HELZ: variants seen among roughly 807,000 people sequenced by gnomAD.
The protein encoded by HELZ is ATP-dependent RNA helicase with zinc finger domain.
Under a neutral mutation model 218.2 loss-of-function variants are expected in HELZ, and 23 were observed. The observed-to-expected ratio is 0.11, with a 90% CI of 0.08 to 0.15. HELZ has a LOEUF of 0.15. Among genes scored for constraint, HELZ ranks in the 10% least tolerant of loss-of-function variants. The probability of loss-of-function intolerance (pLI) is 1.00; values close to 1 mark genes in which losing one functional copy is unlikely to be tolerated. For missense variants in HELZ, 1,813 were observed against 2,353.7 expected, an observed-to-expected ratio of 0.77 and a Z score of 4.75; for synonymous variants, 814 against 829.4, an observed-to-expected ratio of 0.98 and a Z score of 0.32.
chr17:67,147,927 G>A (rs570775378), intron 20 of HELZ, among the ~76,000 whole-genome samples: 14 of 152,334 alleles, frequency 9.2e-5, no homozygotes, highest in Non-Finnish European at 1.6e-4. Flanking sequence ...CCAGCTCTGC[G>A]CGCTTTCTCC....
At chr17:67,158,161 T>C (rs1207248067) in intron 17 of HELZ, among the ~76,000 whole-genome samples, 2 of 152,220 alleles carry the variant, frequency 1.3e-5, no homozygotes, top group Non-Finnish European at 1.5e-5. Context: ...CACTATGTAA[T>C]GTTTTGACTA....
At chr17:67,155,740 G>A (rs908295886) in intron 17 of HELZ, among the ~76,000 whole-genome samples, 9 of 151,896 alleles carry the variant, frequency 5.9e-5, no homozygotes, top group Non-Finnish European at 1.0e-4. Flanking sequence ...GGGAGGCTGA[G>A]GCAGGAGAAT....
At chr17:67,132,974 T>C (rs2038032367) in intron 23 of HELZ, among the ~76,000 whole-genome samples, 1 of 152,204 alleles carries the variant, frequency 6.6e-6, no homozygotes, top group Non-Finnish European at 1.5e-5. Context: ...AAGAATCATA[T>C]TATATTCTCT....
At chr17:67,218,954 G>A in intron 3 of HELZ, 132 bp from the exon 4 acceptor site, 2 of 626,816 alleles carry the variant, frequency 3.2e-6, no homozygotes, top group Non-Finnish European at 5.6e-6. Flanking sequence ...CAAGGTCACA[G>A]CTAAGCAGCA....
chr17:67,176,127 G>A (rs2039449613), intron 13 of HELZ, among the ~76,000 whole-genome samples: 1 of 152,092 alleles, frequency 6.6e-6, no homozygotes, highest in African/African-American at 2.4e-5. Context: ...CATTTCAAAA[G>A]TAGAGAAAAC....
chr17:67,122,618 G>GA (rs1272131571), intron 26 of HELZ, among the ~76,000 whole-genome samples: 1 of 151,828 alleles, frequency 6.6e-6, no homozygotes, highest in Non-Finnish European at 1.5e-5. Context: ...TGAGGCAGGA[G>GA]AATCGCTTGA....
chr17:67,105,719 C>T (rs1159390493), intron 31 of HELZ, among the ~76,000 whole-genome samples: 1 of 152,128 alleles, frequency 6.6e-6, no homozygotes, highest in African/African-American at 2.4e-5. Flanking sequence ...CAGATGTGTG[C>T]CAAATTTTTG....
rs2036004514 is a variant in HELZ, at chr17:67,075,882, C to T, written c.*2370G>A. On this transcript the variant is annotated 3_prime_UTR_variant, in exon 33 of 33. Coordinates refer to ENST00000358691, the MANE Select transcript of HELZ (RefSeq NM_014877.4). ...TATTTTTAGTTTTTAGAAATAACTG[C>T]TTAGAACAAGGATGTCATGACAACT... 1 of 152,554 alleles carries T rather than the reference C, an allele frequency of 6.6e-6. No individual in the cohort carries two copies. The highest frequency in any genetic ancestry group is 2.1e-4 in the South Asian group (1 of 4,814). 9.5% of individuals were successfully genotyped at this position (152,554 alleles called of 1,614,324 possible). A position where few individuals can be genotyped will look rare whatever the true frequency, so the allele number is the denominator to read the frequency against.
chr17:67,109,824 T>C lies in HELZ; in HGVS notation c.3919-138A>G, dbSNP rs968781527. ...CAGGAGAGCTGAGTGCTCAATTATT[T>C]ACTTTCTCACAATCAAATAAAGGAA... On this transcript the variant is annotated intron_variant, in intron 28 of 32. Coordinates refer to ENST00000358691, the MANE Select transcript of HELZ (RefSeq NM_014877.4). 5.2e-5 allele frequency: 30 copies of C among 576,676 alleles called. No individual in the cohort carries two copies. The African/African-American group carries it at 5.5e-4, about 11-fold the overall frequency. 35.7% of individuals were successfully genotyped at this position (576,676 alleles called of 1,614,324 possible).
intron 5 of HELZ, among the ~76,000 whole-genome samples, chr17:67,208,908 T>C (rs918274740): frequency 3.4e-5 from 5 of 149,030 alleles, no homozygotes; most frequent in African/African-American, 9.9e-5. Context: ...ACCATGGCAC[T>C]CCAGCCTGGA....
intron 25 of HELZ, 136 bp downstream of exon 25, chr17:67,123,827 G>GTGTA: frequency 2.8e-6 from 2 of 703,158 alleles, no homozygotes; most frequent in Non-Finnish European, 5.2e-6. Context: ...GTGTGTGTGT[G>GTGTA]TGTGTGTGTG....
chr17:67,245,015 GGCCCCCAGCCTGCCCCGGGGCCGCC>G, intron 1 of HELZ, 108 bp downstream of exon 1: 2 of 985,452 alleles, frequency 2.0e-6, no homozygotes, highest in Non-Finnish European at 2.4e-6. Context: ...GGGCCGCCCA[GGCCCCCAGCCTGCCCCGGGGCCGCC>G]GCGCCCGGGG....
intron 31 of HELZ, among the ~76,000 whole-genome samples, chr17:67,094,333 A>AAGAG (rs1555597034): frequency 8.2e-5 from 12 of 146,564 alleles, no homozygotes; most frequent in South Asian, 6.4e-4. Flanking sequence ...AAAAAAAAAA[A>AAGAG]AGAGAGAGAG....
rs374183389 is a variant in HELZ at position 67,218,795 on chromosome 17, T to C, written c.10A>G (p.Arg4Gly). The C allele has an allele frequency of 2.7e-5, 43 of 1,614,080 alleles. No homozygotes were observed. Among genetic ancestry groups the C allele is most frequent in the Non-Finnish European group, 3.1e-5 (37 of 1,180,026 alleles). MED[R>G]RAEKSCEQAC... ...TGTTCACATGACTTTTCAGCTCTTC[T>C]GTCTTCCATGACTCAGGGACAAAAA... The change falls in exon 4 of 33, where the codon AGA becomes GGA. Residue 4 changes from arginine (R) to glycine (G), a missense_variant. Physicochemically the swap from Arg to Gly is moderately radical, Grantham distance 125 (BLOSUM62 -2). Transcript: ENST00000358691.
chr17:67,203,343 G>T lies in HELZ; in HGVS notation c.348C>A (p.Ala116=). The T allele has an allele frequency of 1.9e-6, 3 of 1,614,060 alleles. No homozygotes were observed. The highest frequency in any genetic ancestry group is 1.7e-6 in the Non-Finnish European group (2 of 1,179,960). ...GKLQPVSTIL[A]KSLTGESLNG... is the part of the protein sequence containing the mutation. Reference sequence around the variant, plus strand: ...CCAGGGACTCTCCTGTGAGTGACTTGGCAAGAATGGTGGATACAGGTTGGA... The same window carrying T: ...CCAGGGACTCTCCTGTGAGTGACTTTGCAAGAATGGTGGATACAGGTTGGA... Residue 116 remains alanine, a synonymous_variant, in exon 6 of 33, where the codon GCC becomes GCA. Coordinates refer to ENST00000358691, the MANE Select transcript of HELZ (RefSeq NM_014877.4).
rs1359179251 is a variant in HELZ, at chr17:67,125,343, T to TAC, written c.3388-1330_3388-1329insGT. Among the ~76,000 whole-genome samples the TAC allele has an allele frequency of 8.0e-4, 49 of 61,392 alleles. 6 individuals are homozygous for TAC. The highest frequency in any genetic ancestry group is 1.1e-3 in the South Asian group (2 of 1,840). The allele number at this position is 61,392 out of a possible 152,430, so 40.3% of individuals were successfully genotyped here. On this transcript the variant is annotated intron_variant, in intron 24 of 32. Transcript: ENST00000358691. ...ATATATATATATATATATATATATA[T>TAC]ATACTTGTGAGGAATAGAGACGTGA...
chr17:67,177,588 T>C (rs1293542349), intron 13 of HELZ, among the ~76,000 whole-genome samples: 1 of 151,314 alleles, frequency 6.6e-6, no homozygotes, highest in Non-Finnish European at 1.5e-5. Context: ...ATAATATAAA[T>C]AATATAGATG....
intron 31 of HELZ, among the ~76,000 whole-genome samples, chr17:67,089,678 G>T (rs370875362): frequency 5.0e-4 from 51 of 102,214 alleles, no homozygotes; most frequent in African/African-American, 1.0e-3. Context: ...TAGAGAGAGA[G>T]AGAGAGAGAG....
intron 9 of HELZ, among the ~76,000 whole-genome samples, chr17:67,190,955 G>A (rs560042285): frequency 1.4e-4 from 21 of 151,294 alleles, no homozygotes; most frequent in African/African-American, 4.9e-4. Flanking sequence ...TGATCCACCC[G>A]CCTCGGCCTC....
Sources: allele counts gnomAD v4.1 joint callset (sites outside exome capture counted in the v4.1 genomes callset), GRCh38; gene constraint gnomAD v4.1.1; transcripts MANE v1.5; gene names NCBI Gene and HGNC (gene_info 2026-07-23, HGNC 2026-07-21).